ABHD12: variants seen among roughly 807,000 people sequenced by gnomAD.
The protein encoded by ABHD12 is lysophosphatidylserine lipase ABHD12.
ABHD12 carries 43 observed loss-of-function variants against 58.3 expected under a neutral mutation model. That is an observed-to-expected ratio of 0.74 (90% CI 0.58 to 0.95). The LOEUF (loss-of-function observed/expected upper bound fraction) is 0.95, where lower values mean the gene tolerates loss of function less well. Ranked by LOEUF, ABHD12 falls within the 40% of genes least tolerant of loss-of-function variation. ABHD12 has a pLI of 0.00. For synonymous variants in ABHD12, 219 were observed against 211.2 expected (o/e 1.04, Z -0.32); for missense variants, 539 against 537.2 (o/e 1.00, Z -0.03).
At chr20:25,329,395 G>A (rs1464775649) in intron 2 of ABHD12, among the ~76,000 whole-genome samples, 1 of 152,210 alleles carries the variant, frequency 6.6e-6, no homozygotes, top group Non-Finnish European at 1.5e-5. Context: ...CTGGGACTGA[G>A]GCCTCTGGCT....
chr20:25,357,867 T>C (rs1349481209), intron 1 of ABHD12, among the ~76,000 whole-genome samples: 1 of 151,952 alleles, frequency 6.6e-6, no homozygotes, highest in Non-Finnish European at 1.5e-5. Context: ...AAAAATTAGC[T>C]GGGTGTCATG....
chr20:25,302,185 G>A (rs371663818), intron 12 of ABHD12, 34 bp downstream of exon 12: 42 of 1,612,046 alleles, frequency 2.6e-5, no homozygotes, highest in Non-Finnish European at 3.6e-5. Context: ...GTGCTGCCCA[G>A]ACGAAGCCCC....
intron 7 of ABHD12, 61 bp downstream of exon 7, chr20:25,309,385 C>A: frequency 6.2e-7 from 1 of 1,611,190 alleles, no homozygotes; most frequent in Non-Finnish European, 8.5e-7. Context: ...TAGATCCAGG[C>A]ATGGGAGTCA....
intron 2 of ABHD12, among the ~76,000 whole-genome samples, chr20:25,333,663 C>A (rs1410381656): frequency 6.6e-6 from 1 of 151,834 alleles, no homozygotes; most frequent in Non-Finnish European, 1.5e-5. Flanking sequence ...ATACGCAAAT[C>A]AATAAATGTA....
intron 4 of ABHD12, among the ~76,000 whole-genome samples, chr20:25,318,738 A>G (rs2089010327): frequency 6.6e-6 from 1 of 151,072 alleles, no homozygotes; most frequent in Non-Finnish European, 1.5e-5. Flanking sequence ...CAGTTCTGTC[A>G]TTTATAAAAA....
intron 1 of ABHD12, among the ~76,000 whole-genome samples, chr20:25,385,673 G>A (rs2090079759): frequency 7.0e-6 from 1 of 142,620 alleles, no homozygotes; most frequent in Non-Finnish European, 1.5e-5. Flanking sequence ...GGCAAGACCT[G>A]CCTGTACCAA....
At position 25,390,550 on chromosome 20, in the gene ABHD12, A is replaced by G; in HGVS notation, c.154T>C (p.Cys52Arg). The G allele has an allele frequency of 7.0e-7, 1 of 1,427,566 alleles. No individual in the cohort carries two copies. The highest frequency in any genetic ancestry group is 9.1e-7 in the Non-Finnish European group (1 of 1,095,838). 88.4% of individuals were successfully genotyped at this position (1,427,566 alleles called of 1,614,324 possible). Reference protein sequence around the residue: ...LTGPAAAEPRCAADAGMKRAL... With the variant: ...LTGPAAAEPRRAADAGMKRAL... ...CGCTTCATTCCCGCGTCGGCTGCGCAGCGCGGCTCAGCCGCCGCCGGGCCC... is the reference window on the plus strand; with the variant it reads ...CGCTTCATTCCCGCGTCGGCTGCGCGGCGCGGCTCAGCCGCCGCCGGGCCC... The change falls in exon 1 of 13, where the codon TGC becomes CGC. Residue 52 changes from cysteine to arginine, a missense_variant. By Grantham distance (180) the Cys-to-Arg change is radical (BLOSUM62 -3). Transcript: ENST00000339157.
At chr20:25,330,295 C>T (rs547451149) in intron 2 of ABHD12, among the ~76,000 whole-genome samples, 1 of 152,252 alleles carries the variant, frequency 6.6e-6, no homozygotes, top group Non-Finnish European at 1.5e-5. Flanking sequence ...ATATCCCGCA[C>T]ATGGCTCGGA....
chr20:25,329,826 G>C (rs947383632), intron 2 of ABHD12, among the ~76,000 whole-genome samples: 1 of 152,188 alleles, frequency 6.6e-6, no homozygotes, highest in Non-Finnish European at 1.5e-5. Flanking sequence ...AGGCTTACAG[G>C]ACCTTCCGTA....
intron 4 of ABHD12, among the ~76,000 whole-genome samples, chr20:25,317,679 C>T (rs962256894): frequency 3.3e-5 from 5 of 152,254 alleles, no homozygotes; most frequent in South Asian, 4.1e-4. Context: ...AGTGCCGGAA[C>T]GGCTGCCTCC....
At chr20:25,323,850 C>T (rs1348083202) in intron 2 of ABHD12, among the ~76,000 whole-genome samples, 1 of 152,186 alleles carries the variant, frequency 6.6e-6, no homozygotes, top group Non-Finnish European at 1.5e-5. Context: ...CTGCGAATAA[C>T]TCAGGTGCCT....
At chr20:25,312,481 C>G (rs1412466156) in intron 6 of ABHD12, among the ~76,000 whole-genome samples, 1 of 152,142 alleles carries the variant, frequency 6.6e-6, no homozygotes, top group Admixed American at 6.5e-5. Context: ...TCACTCAGTG[C>G]TCAATGTTGC....
At chr20:25,373,526 T>C (rs1486306559) in intron 1 of ABHD12, among the ~76,000 whole-genome samples, 1 of 151,732 alleles carries the variant, frequency 6.6e-6, no homozygotes, top group Non-Finnish European at 1.5e-5. Context: ...CAGCCTGGGA[T>C]ACAGACTGAG....
downstream of ABHD12, chr20:25,296,591 C>A: frequency 1.9e-6 from 3 of 1,538,744 alleles, no homozygotes; most frequent in Non-Finnish European, 2.6e-6. Flanking sequence ...CTTTTTTCCC[C>A]AAACACTTTG....
At position 25,323,177 on chromosome 20, in the gene ABHD12, A is replaced by C; in HGVS notation, c.422+148T>G. 1.6e-5 allele frequency: 11 copies of C among 703,262 alleles called. No individual in the cohort carries two copies. In the South Asian group the frequency reaches 1.6e-4, roughly 11 times the overall value. The allele number at this position is 703,262 out of a possible 1,614,324, so 43.6% of individuals were successfully genotyped here. ...AATCCCTCAACATTAGGATGGATCA[A>C]ATGTACTGAGATCTTTCCTTTAGGA... On this transcript the variant is annotated intron_variant, in intron 3 of 12. Coordinates refer to ENST00000339157, the MANE Select transcript of ABHD12 (RefSeq NM_001042472.3).
At chr20:25,323,661 G>T (rs1024779328) in intron 2 of ABHD12, among the ~76,000 whole-genome samples, 1 of 152,244 alleles carries the variant, frequency 6.6e-6, no homozygotes, top group Non-Finnish European at 1.5e-5. Flanking sequence ...CAGGGTATGG[G>T]CTGAGGCCAG....
intron 2 of ABHD12, among the ~76,000 whole-genome samples, chr20:25,335,066 G>C (rs565750969): frequency 6.7e-6 from 1 of 150,270 alleles, no homozygotes; most frequent in Non-Finnish European, 1.5e-5. Flanking sequence ...TCTGACAAAG[G>C]GCTAATATCC....
At chr20:25,386,607 C>T (rs922346267) in intron 1 of ABHD12, among the ~76,000 whole-genome samples, 7 of 151,850 alleles carry the variant, frequency 4.6e-5, no homozygotes, top group African/African-American at 9.7e-5. Context: ...AGGCCAGGTG[C>T]GGTGGCTCAC....
At chr20:25,350,031 A>G (rs1040746232) in intron 1 of ABHD12, among the ~76,000 whole-genome samples, 4 of 152,204 alleles carry the variant, frequency 2.6e-5, no homozygotes, top group African/African-American at 9.6e-5. Flanking sequence ...AGGATAAAAG[A>G]GGGGCTTACA....
Sources: allele counts gnomAD v4.1 joint callset (sites outside exome capture counted in the v4.1 genomes callset), GRCh38; gene constraint gnomAD v4.1.1; transcripts MANE v1.5; gene names NCBI Gene and HGNC (gene_info 2026-07-23, HGNC 2026-07-21).